The following ITGA11 variants were observed in gnomAD, a reference collection of about 807,000 sequenced individuals.
ITGA11 encodes the protein integrin alpha-11.
In ITGA11, 97 loss-of-function variants were observed where a neutral mutation model predicts 141.9. The ratio of observed to expected loss-of-function variants is 0.68; its 90% CI spans 0.58 to 0.81. The LOEUF is 0.81. ITGA11 is among the 30% of genes least tolerant of loss of function. ITGA11 has a pLI of 0.00. For synonymous variants in ITGA11, 658 were observed against 624.6 expected (o/e 1.05, Z -0.80); for missense variants, 1,387 against 1,559.2 (o/e 0.89, Z 1.86).
intron 24 of ITGA11, among the ~76,000 whole-genome samples, chr15:68,312,222 C>T (rs769108426): frequency 1.3e-5 from 2 of 152,200 alleles, no homozygotes; most frequent in Non-Finnish European, 2.9e-5. Context: ...TCCCTTATGG[C>T]TCAGTCACAA....
intron 10 of ITGA11, among the ~76,000 whole-genome samples, chr15:68,340,180 G>A (rs952217364): frequency 2.1e-5 from 3 of 145,290 alleles, no homozygotes; most frequent in South Asian, 2.2e-4. Flanking sequence ...CCGTATCCCC[G>A]CCCCCAACCA....
intron 1 of ITGA11, among the ~76,000 whole-genome samples, chr15:68,418,639 T>A (rs992790663): frequency 1.4e-5 from 2 of 146,372 alleles, no homozygotes; most frequent in Non-Finnish European, 3.0e-5. Context: ...GTAGTTGATG[T>A]AAATCATGTA....
Position 68,317,312 on chromosome 15 carries a change from T to C in ITGA11, c.2668A>G (p.Lys890Glu), listed in dbSNP as rs754797180. The stretch of plus-strand genomic sequence containing the variant: ...GGATAGCTGACGTTGCAGACTTGCT[T>C]CTGGAGCCTCCTCTCCTCGTTCACA... ...ECVNEERRLQ[K>E]QVCNVSYPFF... The change falls in exon 21 of 30, where the codon AAG becomes GAG. Residue 890 changes from lysine (K) to glutamate (E), a missense_variant. Lys to Glu is a moderately conservative substitution (Grantham distance 56). Coordinates refer to ENST00000315757, the MANE Select transcript of ITGA11 (RefSeq NM_001004439.2). 6 of 1,613,948 alleles carry C rather than the reference T, an allele frequency of 3.7e-6. No homozygotes were observed. In the South Asian group the frequency reaches 4.4e-5, roughly 12 times the overall value.
chr15:68,371,962 TG>T, intron 2 of ITGA11, among the ~76,000 whole-genome samples: 1 of 152,212 alleles, frequency 6.6e-6, no homozygotes, highest in African/African-American at 2.4e-5. Context: ...CTCATTTCTC[TG>T]GGAGTCCATA....
At chr15:68,371,317 G>A (rs1895582459) in intron 2 of ITGA11, among the ~76,000 whole-genome samples, 1 of 152,234 alleles carries the variant, frequency 6.6e-6, no homozygotes, top group Non-Finnish European at 1.5e-5. Flanking sequence ...ACGTGACCAA[G>A]TCTTCCTGAG....
rs1469403718 is a variant in ITGA11, at chr15:68,432,156, C to A, written c.-90G>T. 2.1e-6 allele frequency: 2 copies of A among 957,496 alleles called. No homozygotes were observed. Among genetic ancestry groups the A allele is most frequent in the Non-Finnish European group, 2.8e-6 (2 of 724,750 alleles). 59.3% of individuals were successfully genotyped at this position (957,496 alleles called of 1,614,324 possible). ...AGCCTCCTCGGCGCGGCGCCTGCAG[C>A]CTGCACTGCGCGGGGCGCCGGGCTC... On this transcript the variant is annotated 5_prime_UTR_variant, in exon 1 of 30. Transcript: ENST00000315757.
chr15:68,331,295 T>C (rs974449742), intron 14 of ITGA11, among the ~76,000 whole-genome samples, 184 bp from the exon 15 acceptor site: 5 of 152,078 alleles, frequency 3.3e-5, no homozygotes, highest in African/African-American at 4.8e-5. Flanking sequence ...ACCATTCAAG[T>C]CATTCTTTTG....
chr15:68,304,074 GAC>G lies in ITGA11; in HGVS notation c.3382-191_3382-190del, dbSNP rs1165823935. On this transcript the variant is annotated intron_variant, in intron 28 of 29. Transcript: ENST00000315757. The surrounding 1 kb of genome is among the most constrained non-coding windows in gnomAD (Gnocchi z 6.1). ...CAGGACGACCACTGCCTGAACAGCC[GAC>G]ACTGGGTTCAGTGGCCCAAGTGATC... is the stretch of plus-strand genomic sequence containing the variant. Among the ~76,000 whole-genome samples, 1 of 152,088 alleles carries G rather than the reference GAC, an allele frequency of 6.6e-6. No homozygotes were observed. The highest frequency in any genetic ancestry group is 2.1e-4 in the South Asian group (1 of 4,822).
chr15:68,328,172 C>G lies in ITGA11; in HGVS notation c.1992G>C (p.Arg664Ser). ...GGAAGGCGGCCAGGCAGGTGGCATC[C>G]CTGCCACTGCGCTTGCAGTCTCTGT... ...IFHRDCKRSG[R>S]DATCLAAFLC... The change falls in exon 16 of 30, where the codon AGG becomes AGC. Residue 664 changes from arginine (R) to serine (S), a missense_variant. Coordinates refer to ENST00000315757, the MANE Select transcript of ITGA11 (RefSeq NM_001004439.2). This position sits in a 1 kb window ranked among gnomAD's most constrained non-coding sequence, Gnocchi z 4.8. 5.0e-6 allele frequency: 8 copies of G among 1,613,760 alleles called. No individual in the cohort carries two copies. Among genetic ancestry groups the G allele is most frequent in the Non-Finnish European group, 6.8e-6 (8 of 1,179,786 alleles).
Position 68,325,249 on chromosome 15 carries a change from G to A in ITGA11, c.2212-8C>T. On this transcript the variant is annotated splice_region_variant and splice_polypyrimidine_tract_variant and intron_variant, in intron 17 of 29. Transcript: ENST00000315757. The surrounding 1 kb of genome is among the most constrained non-coding windows in gnomAD (Gnocchi z 5.5). ...CACGTAGTCAGCAGTGTCCTGGGGG[G>A]TGGAGATGAGGGCAGCGGTGAGGGA... 1 of 1,589,866 alleles carries A rather than the reference G, an allele frequency of 6.3e-7. No homozygotes were observed. Among genetic ancestry groups the A allele is most frequent in the Non-Finnish European group, 8.6e-7 (1 of 1,157,976 alleles).
At chr15:68,391,148 C>T (rs922835772) in intron 2 of ITGA11, among the ~76,000 whole-genome samples, 2 of 152,124 alleles carry the variant, frequency 1.3e-5, no homozygotes, top group Non-Finnish European at 2.9e-5. Flanking sequence ...CAAGTGGGAA[C>T]AGAGATTCTA....
chr15:68,401,006 T>C lies in ITGA11; in HGVS notation c.164+1912A>G, dbSNP rs1227586687. ...ATATATATAAAAGGCCTTTAATCAG[T>C]AAGAAAAAGACACACAACACAATCT... On this transcript the variant is annotated intron_variant, in intron 2 of 29. Transcript: ENST00000315757. Among the ~76,000 whole-genome samples, 4 of 134,100 alleles carry C rather than the reference T, an allele frequency of 3.0e-5. No homozygotes were observed. The East Asian group carries it at 8.0e-4, about 27-fold the overall frequency. 88.0% of individuals were successfully genotyped at this position (134,100 alleles called of 152,430 possible).
In ITGA11 at chr15:68,351,143, T is replaced by C. The variant is rs1269942051; in HGVS notation, c.894+115A>G. On this transcript the variant is annotated intron_variant, in intron 8 of 29. Transcript: ENST00000315757. ...TCAGAAGATGAAATGGGAGGCTTTT[T>C]TGAGGGCCTGGACACTTGTGATACT... The C allele has an allele frequency of 6.1e-6, 7 of 1,153,704 alleles. No homozygotes were observed. The South Asian group carries it at 6.3e-5, about 10-fold the overall frequency. 71.5% of individuals were successfully genotyped at this position (1,153,704 alleles called of 1,614,324 possible).
rs777791248 is a variant in ITGA11 at position 68,307,740 on chromosome 15, G to A, written c.3175-44C>T. On this transcript the variant is annotated intron_variant, in intron 26 of 29. Transcript: ENST00000315757. This position sits in a 1 kb window ranked among gnomAD's most constrained non-coding sequence, Gnocchi z 6.1. Reference sequence around the variant, plus strand: ...CTCAGGGCTGAGCTGCTGGGCTAGGGGAGCAGGGGGCAGCAACACTGCTTG... The same window carrying A: ...CTCAGGGCTGAGCTGCTGGGCTAGGAGAGCAGGGGGCAGCAACACTGCTTG... 5 of 1,384,810 alleles carry A rather than the reference G, an allele frequency of 3.6e-6. No homozygotes were observed. The highest frequency in any genetic ancestry group is 5.1e-6 in the Non-Finnish European group (5 of 978,050). 85.8% of individuals were successfully genotyped at this position (1,384,810 alleles called of 1,614,324 possible).
intron 1 of ITGA11, among the ~76,000 whole-genome samples, chr15:68,423,478 C>T (rs1307708899): frequency 1.3e-5 from 2 of 152,178 alleles, no homozygotes; most frequent in Non-Finnish European, 2.9e-5. Flanking sequence ...AGCTCAGTCT[C>T]ATTGGGGCTG....
intron 1 of ITGA11, among the ~76,000 whole-genome samples, chr15:68,410,995 A>T (rs1449074747): frequency 6.6e-6 from 1 of 152,144 alleles, no homozygotes; most frequent in African/African-American, 2.4e-5. Flanking sequence ...GCTGGTGGGG[A>T]GTGTGCGGTT....
At chr15:68,320,093 T>C (rs1893743858) in intron 20 of ITGA11, 92 bp downstream of exon 20, 2 of 1,110,590 alleles carry the variant, frequency 1.8e-6, no homozygotes, top group African/African-American at 1.5e-5. Context: ...TCCAGCTTTC[T>C]TGTGATTCCA....
chr15:68,317,477 GATACC>G, intron 20 of ITGA11, 114 bp from the exon 21 acceptor site: 1 of 758,682 alleles, frequency 1.3e-6, no homozygotes, highest in Non-Finnish European at 2.4e-6. Flanking sequence ...CTCAGCCCCT[GATACC>G]CATATGAAAG....
At position 68,394,488 on chromosome 15, in the gene ITGA11, T is replaced by C. The variant is rs1035458090; in HGVS notation, c.164+8430A>G. 3.3e-5 allele frequency among the ~76,000 whole-genome samples: 5 copies of C among 152,086 alleles called. No homozygotes were observed. The East Asian group carries it at 7.7e-4, about 23-fold the overall frequency. On this transcript the variant is annotated intron_variant, in intron 2 of 29. Transcript: ENST00000315757. ...GAGGAAATATATAGCCTTATATGTATATTTTAGAAAAGAAAAAGGGTCAGA... is the reference window on the plus strand; with the variant it reads ...GAGGAAATATATAGCCTTATATGTACATTTTAGAAAAGAAAAAGGGTCAGA...
Sources: gnomAD v4.1 joint callset for allele counts (sites outside exome capture counted in the v4.1 genomes callset) on GRCh38, gnomAD v4.1.1 for gene constraint, Gnocchi (gnomAD v3.1) non-coding constraint, MANE v1.5 for transcripts, NCBI Gene and HGNC (gene_info 2026-07-23, HGNC 2026-07-21) for gene names.